MECOM: variants seen among roughly 807,000 people sequenced by gnomAD.
MECOM encodes MDS1 and EVI1 complex locus.
A neutral mutation model predicts 116.3 loss-of-function variants in MECOM; 13 were observed. The observed-to-expected ratio is 0.11, with a 90% CI of 0.07 to 0.18. The LOEUF (loss-of-function observed/expected upper bound fraction) is 0.18. MECOM is among the 10% of genes least tolerant of loss of function. The pLI is 1.00. For missense variants in MECOM, 1,299 were observed against 1,509.0 expected, an observed-to-expected ratio of 0.86 and a Z score of 2.31; for synonymous variants, 528 against 535.2, an observed-to-expected ratio of 0.99 and a Z score of 0.19.
chr3:169,179,521 C>T (rs2149391560), intron 2 of MECOM, among the ~76,000 whole-genome samples: 1 of 152,214 alleles, frequency 6.6e-6, no homozygotes, highest in East Asian at 1.9e-4. Context: ...AGCTCGTTGA[C>T]CTCTAAAACA....
intron 1 of MECOM, among the ~76,000 whole-genome samples, chr3:169,640,824 G>A (rs1435009701): frequency 1.3e-5 from 2 of 152,314 alleles, no homozygotes; most frequent in African/African-American, 4.8e-5. Flanking sequence ...TTGCCAGAAA[G>A]AGAGACAGGC....
chr3:169,409,432 T>C (rs1444638594), intron 1 of MECOM, among the ~76,000 whole-genome samples: 3 of 152,200 alleles, frequency 2.0e-5, no homozygotes, highest in Non-Finnish European at 4.4e-5. Flanking sequence ...CTCTGCAGCA[T>C]TTTCATGGCG....
At chr3:169,181,209 A>G (rs1271741888) in intron 2 of MECOM, among the ~76,000 whole-genome samples, 2 of 152,138 alleles carry the variant, frequency 1.3e-5, no homozygotes, top group African/African-American at 4.8e-5. Flanking sequence ...ATCCTTAACT[A>G]CTTGACTTAA....
At chr3:169,564,712 T>C (rs1003196223) in intron 1 of MECOM, among the ~76,000 whole-genome samples, 6 of 152,256 alleles carry the variant, frequency 3.9e-5, no homozygotes, top group African/African-American at 2.4e-5. Flanking sequence ...TCCATTTTTT[T>C]CCTCTGAACA....
chr3:169,106,404 A>G (rs2148992698), intron 10 of MECOM, among the ~76,000 whole-genome samples: 1 of 152,248 alleles, frequency 6.6e-6, no homozygotes, highest in African/African-American at 2.4e-5. Context: ...GGAGAATGGA[A>G]TATTCATCCC....
Position 169,239,761 on chromosome 3 carries a change from C to G in MECOM, c.376-95929G>C, listed in dbSNP as rs562181447. On this transcript the variant is annotated intron_variant, in intron 2 of 16. Transcript: ENST00000651503. ...AACCTCAGTTACATTTTAAAAATTA[C>G]AAGGAAATTAGTAACAGAAACAGTT... Among the ~76,000 whole-genome samples the G allele has an allele frequency of 3.3e-5, 5 of 152,018 alleles. No homozygotes were observed. The South Asian group carries it at 1.0e-3, about 32-fold the overall frequency.
At chr3:169,104,578 A>G (rs1724705875) in intron 10 of MECOM, among the ~76,000 whole-genome samples, 1 of 152,198 alleles carries the variant, frequency 6.6e-6, no homozygotes, top group Non-Finnish European at 1.5e-5. Context: ...TTAATATTTA[A>G]GTAAAATTTC....
At position 169,424,974 on chromosome 3, in the gene MECOM, A is replaced by G. The variant is rs77529827; in HGVS notation, c.38-43450T>C. On this transcript the variant is annotated intron_variant, in intron 1 of 16. Coordinates refer to ENST00000651503, the MANE Select transcript of MECOM (RefSeq NM_004991.4). ...ATTCAGTTGAAGGAAAGACTCTGTT[A>G]TATACTACAGAAACACTCAACACCA... Among the ~76,000 whole-genome samples, 278 of 152,122 alleles carry G rather than the reference A, an allele frequency of 1.8e-3. 5 individuals are homozygous for G. In the East Asian group the frequency reaches 0.048, roughly 26 times the overall value.
chr3:169,642,973 A>C (rs1386777557), intron 1 of MECOM, among the ~76,000 whole-genome samples: 1 of 152,214 alleles, frequency 6.6e-6, no homozygotes, highest in Non-Finnish European at 1.5e-5. Context: ...CTATTATAGA[A>C]GGCATGGTTC....
chr3:169,562,827 C>T (rs1271773852), intron 1 of MECOM, among the ~76,000 whole-genome samples: 2 of 152,008 alleles, frequency 1.3e-5, no homozygotes, highest in Non-Finnish European at 2.9e-5. Flanking sequence ...TTTGGGAGGC[C>T]AAGGCGGGTA....
chr3:169,399,883 T>C (rs1735601513), intron 1 of MECOM, among the ~76,000 whole-genome samples: 1 of 152,202 alleles, frequency 6.6e-6, no homozygotes, highest in African/African-American at 2.4e-5. Flanking sequence ...TGCCCTTTTC[T>C]GAAGAATCTA....
rs554172605 is a variant in MECOM at position 169,487,335 on chromosome 3, C to T, written c.38-105811G>A. 1.6e-4 allele frequency among the ~76,000 whole-genome samples: 24 copies of T among 148,478 alleles called. No homozygotes were observed. In the South Asian group the frequency reaches 4.7e-3, roughly 29 times the overall value. ...ATGACTCCTTTGGAAGTTGTAAGTA[C>T]AAGGTGAAACGAAAACACTTGGCAG... is the stretch of plus-strand genomic sequence containing the variant. On this transcript the variant is annotated intron_variant, in intron 1 of 16. Transcript: ENST00000651503.
At chr3:169,231,635 C>T (rs1753412126) in intron 2 of MECOM, among the ~76,000 whole-genome samples, 1 of 151,854 alleles carries the variant, frequency 6.6e-6, no homozygotes, top group Non-Finnish European at 1.5e-5. Context: ...AATGAGTCTT[C>T]CACACAAAAA....
At chr3:169,649,425 A>AAAAAAAAAAAG (rs1774600125) in intron 1 of MECOM, among the ~76,000 whole-genome samples, 1 of 151,354 alleles carries the variant, frequency 6.6e-6, no homozygotes, top group African/African-American at 2.4e-5. Flanking sequence ...AAAAAAAAAA[A>AAAAAAAAAAAG]AAAATAGGAA....
At chr3:169,425,601 A>C (rs750614039) in intron 1 of MECOM, among the ~76,000 whole-genome samples, 1 of 152,182 alleles carries the variant, frequency 6.6e-6, no homozygotes, top group African/African-American at 2.4e-5. Flanking sequence ...TCCGACCACT[A>C]TATTACTTTA....
chr3:169,300,940 G>A (rs1716590265), intron 2 of MECOM, among the ~76,000 whole-genome samples: 1 of 152,154 alleles, frequency 6.6e-6, no homozygotes, highest in Non-Finnish European at 1.5e-5. Context: ...CTCAATAAGT[G>A]GCCCTAAACT....
chr3:169,483,933 A>C lies in MECOM; in HGVS notation c.38-102409T>G, dbSNP rs1028231253. On this transcript the variant is annotated intron_variant, in intron 1 of 16. Coordinates refer to ENST00000651503, the MANE Select transcript of MECOM (RefSeq NM_004991.4). ...GTTCACTTTGATCCTTTCTTGCAAA[A>C]ACTGCTCAAAATTGGCAGCATCCAT... 4 of 1,607,790 alleles carry C rather than the reference A, an allele frequency of 2.5e-6. No individual in the cohort carries two copies. The African/African-American group carries it at 5.4e-5, about 22-fold the overall frequency.
chr3:169,388,545 C>T (rs1237724671), intron 1 of MECOM, among the ~76,000 whole-genome samples: 2 of 152,114 alleles, frequency 1.3e-5, no homozygotes, highest in Non-Finnish European at 2.9e-5. Context: ...AAATGAATTT[C>T]CAGAAAACTG....
chr3:169,560,910 A>G (rs1762562460), intron 1 of MECOM, among the ~76,000 whole-genome samples: 1 of 151,944 alleles, frequency 6.6e-6, no homozygotes, highest in Non-Finnish European at 1.5e-5. Context: ...GTATTTTTAT[A>G]ACTAAAAAGA....
Sources: gnomAD v4.1 joint callset for allele counts (sites outside exome capture counted in the v4.1 genomes callset) on GRCh38, gnomAD v4.1.1 for gene constraint, MANE v1.5 for transcripts, NCBI Gene and HGNC (gene_info 2026-07-23, HGNC 2026-07-21) for gene names.